The following SLC22A12 variants were observed in gnomAD, a reference collection of about 807,000 sequenced individuals.
SLC22A12 encodes the protein solute carrier family 22 member 12, also known as organic anion transporter 4-like protein.
SLC22A12 carries 56 observed loss-of-function variants against 52.7 expected under a neutral mutation model. The ratio of observed to expected loss-of-function variants is 1.06; its 90% CI spans 0.86 to 1.33. The LOEUF is 1.33. Ranked by LOEUF, SLC22A12 falls within the 40% of genes most tolerant of loss-of-function variation. The pLI is 0.00. For missense variants in SLC22A12, 683 were observed against 741.5 expected, an observed-to-expected ratio of 0.92 and a Z score of 0.92; for synonymous variants, 337 against 324.6, an observed-to-expected ratio of 1.04 and a Z score of -0.41.
At chr11:64,599,019 C>G (rs1462602758) in intron 6 of SLC22A12, 96 bp downstream of exon 6, 1 of 1,506,032 alleles carries the variant, frequency 6.6e-7, no homozygotes, top group East Asian at 2.4e-5. Context: ...TCCGCTTGGT[C>G]CCACTGGCCT....
chr11:64,598,962 C>A, intron 6 of SLC22A12, 39 bp downstream of exon 6: 1 of 1,607,496 alleles, frequency 6.2e-7, no homozygotes, highest in Non-Finnish European at 8.5e-7. Flanking sequence ...CACAGGGGAA[C>A]CTGGAATCGG....
intron 4 of SLC22A12, among the ~76,000 whole-genome samples, chr11:64,595,929 TG>T (rs2039177869): frequency 2.4e-4 from 3 of 12,546 alleles, no homozygotes; most frequent in Non-Finnish European, 6.6e-4. Context: ...AAAAGATGGA[TG>T]GATGGATGGA....
At chr11:64,601,279 G>A (rs1407688854) in intron 9 of SLC22A12, among the ~76,000 whole-genome samples, 1 of 152,086 alleles carries the variant, frequency 6.6e-6, no homozygotes, top group African/African-American at 2.4e-5. Context: ...GGGGGCCCTC[G>A]CAGGCCCCAG....
intron 1 of SLC22A12, among the ~76,000 whole-genome samples, 199 bp from the exon 2 acceptor site, chr11:64,592,580 G>A (rs879713750): frequency 3.3e-5 from 5 of 152,156 alleles, no homozygotes; most frequent in Non-Finnish European, 7.4e-5. Flanking sequence ...CAGGCAGAGG[G>A]TGGCAGGATA....
intron 4 of SLC22A12, among the ~76,000 whole-genome samples, chr11:64,594,997 G>A (rs2039068302): frequency 7.2e-6 from 1 of 138,388 alleles, no homozygotes; most frequent in African/African-American, 2.7e-5. Context: ...GTGGATGGAT[G>A]GATGGATGGA....
At chr11:64,596,279 GATGGATGGATGGCTGA>G in intron 4 of SLC22A12, among the ~76,000 whole-genome samples, 1 of 148,168 alleles carries the variant, frequency 6.7e-6, no homozygotes, top group Non-Finnish European at 1.5e-5. Context: ...TGGATGGATG[GATGGATGGATGGCTGA>G]ATGGATGGTT....
chr11:64,598,855 T>A lies in SLC22A12; in HGVS notation c.1002T>A (p.Pro334=). 1 of 1,612,828 alleles carries A rather than the reference T, an allele frequency of 6.2e-7. No homozygotes were observed. The highest frequency in any genetic ancestry group is 8.5e-7 in the Non-Finnish European group (1 of 1,179,958). The change falls in exon 6 of 10, where the codon CCT becomes CCA. Residue 334 remains proline (P), a synonymous_variant. Transcript: ENST00000377574. ...MREELSMGQP[P]ASLGTLLRMP... ...AGGAGCTGAGCATGGGCCAGCCTCC[T>A]GCCAGCCTGGGCACCCTGCTCCGCA...
Position 64,600,439 on chromosome 11 carries a change from C to A in SLC22A12, c.1358C>A (p.Thr453Asn), listed in dbSNP as rs753490462. The A allele has an allele frequency of 6.2e-7, 1 of 1,607,872 alleles. No individual in the cohort carries two copies. The highest frequency in any genetic ancestry group is 8.5e-7 in the Non-Finnish European group (1 of 1,179,350). Reference sequence around the variant, plus strand: ...GTGGGGGCTGCCTTCACCTGCATCACCATCTACAGCAGCGAGCTCTTCCCC... The same window carrying A: ...GTGGGGGCTGCCTTCACCTGCATCAACATCTACAGCAGCGAGCTCTTCCCC... Reference protein sequence around the residue: ...GGVGAAFTCITIYSSELFPTV... With the variant: ...GGVGAAFTCINIYSSELFPTV... Residue 453 changes from threonine to asparagine, a missense_variant, in exon 8 of 10, where the codon ACC becomes AAC. Thr to Asn is a moderately conservative substitution (Grantham distance 65). Transcript: ENST00000377574.
chr11:64,601,071 T>C (rs1286808604), intron 9 of SLC22A12, 133 bp downstream of exon 9: 2 of 1,193,992 alleles, frequency 1.7e-6, no homozygotes, highest in Non-Finnish European at 2.4e-6. Context: ...TGGCCCAGAG[T>C]CACACAGTAC....
chr11:64,595,011 A>T (rs912927721), intron 4 of SLC22A12, among the ~76,000 whole-genome samples: 5 of 130,432 alleles, frequency 3.8e-5, no homozygotes, highest in Admixed American at 1.5e-4. Context: ...GGATGGATGG[A>T]TGGATGGATG....
intron 4 of SLC22A12, among the ~76,000 whole-genome samples, chr11:64,595,155 G>A (rs1319424952): frequency 1.4e-5 from 2 of 143,044 alleles, no homozygotes; most frequent in African/African-American, 5.2e-5. Flanking sequence ...ATGGTTGAAT[G>A]GATGGTTGGA....
intron 7 of SLC22A12, 40 bp downstream of exon 7, chr11:64,599,930 T>A (rs745540824): frequency 1.3e-6 from 2 of 1,590,538 alleles, no homozygotes; most frequent in African/African-American, 2.7e-5. Flanking sequence ...TTCCCTACCT[T>A]GGGGGGGTCT....
At position 64,595,376 on chromosome 11, in the gene SLC22A12, T is replaced by C. The variant is rs146312310; in HGVS notation, c.830+1573T>C. 6.1e-3 allele frequency among the ~76,000 whole-genome samples: 297 copies of C among 48,398 alleles called. 3 individuals carry two copies. The highest frequency in any genetic ancestry group is 0.015 in the Non-Finnish European group (194 of 13,218). 31.8% of individuals were successfully genotyped at this position (48,398 alleles called of 152,430 possible). On this transcript the variant is annotated intron_variant, in intron 4 of 9. Transcript: ENST00000377574. ...ATGGATGGATGGATGGATGGATGGA[T>C]GGATGGATGGATGGATGGACGGACG... is the stretch of plus-strand genomic sequence containing the variant.
At position 64,600,716 on chromosome 11, in the gene SLC22A12, G is replaced by A; in HGVS notation, c.1395-19G>A. On this transcript the variant is annotated intron_variant, in intron 8 of 9. Transcript: ENST00000377574. Reference sequence around the variant, plus strand: ...TGGGCACACAGACCAGGCGCTTATAGGTGCATCTGCATTGGCAGGATGACG... The same window carrying A: ...TGGGCACACAGACCAGGCGCTTATAAGTGCATCTGCATTGGCAGGATGACG... 6.2e-7 allele frequency: 1 copy of A among 1,603,612 alleles called. No homozygotes were observed. Among genetic ancestry groups the A allele is most frequent in the African/African-American group, 1.3e-5 (1 of 75,048 alleles).
At chr11:64,599,052 T>C in intron 6 of SLC22A12, 129 bp downstream of exon 6, 1 of 1,339,884 alleles carries the variant, frequency 7.5e-7, no homozygotes, top group Non-Finnish European at 1.0e-6. Context: ...CCTTCCCCTC[T>C]GTCAGTCACT....
chr11:64,598,532 G>T lies in SLC22A12; in HGVS notation c.847G>T (p.Ala283Ser). 1 of 1,587,858 alleles carries T rather than the reference G, an allele frequency of 6.3e-7. No homozygotes were observed. The highest frequency in any genetic ancestry group is 1.2e-5 in the South Asian group (1 of 86,918). ...FLYSWWLAES[A>S]RWLLTTGRLD... ...CCACTTAAGGTGGCTGGCAGAGTCG[G>T]CACGATGGCTCCTCACCACAGGCAG... is the stretch of plus-strand genomic sequence containing the variant. The change falls in exon 5 of 10, where the codon GCA becomes TCA. Residue 283 changes from alanine (A) to serine (S), a missense_variant. Coordinates refer to ENST00000377574, the MANE Select transcript of SLC22A12 (RefSeq NM_144585.4).
rs1202092735 is a variant in SLC22A12, at chr11:64,591,608, G to A, written c.52G>A (p.Val18Ile). The A allele has an allele frequency of 6.2e-7, 1 of 1,613,188 alleles. No individual in the cohort carries two copies. The highest frequency in any genetic ancestry group is 1.3e-5 in the African/African-American group (1 of 75,056). Residue 18 changes from valine to isoleucine, a missense_variant, in exon 1 of 10, where the codon GTT (valine) becomes ATT (isoleucine). By Grantham distance (29) the Val-to-Ile change is conservative. Transcript: ENST00000377574. ...DLVGGLGRFQ[V>I]LQTMALMVSI... ...CGTGGGTGGCCTGGGCAGGTTCCAG[G>A]TTCTCCAGACGATGGCTCTGATGGT...
At chr11:64,595,915 T>C (rs1288719850) in intron 4 of SLC22A12, among the ~76,000 whole-genome samples, 2 of 106,054 alleles carry the variant, frequency 1.9e-5, no homozygotes, top group Non-Finnish European at 3.6e-5. Context: ...GGATAGATGG[T>C]TGGAAAAGAT....
chr11:64,595,332 T>C (rs201629849), intron 4 of SLC22A12, among the ~76,000 whole-genome samples: 2 of 93,826 alleles, frequency 2.1e-5, no homozygotes, highest in Non-Finnish European at 4.4e-5. Flanking sequence ...GATGGATGGA[T>C]GGTTGAATGG....
Sources: allele counts gnomAD v4.1 joint callset (sites outside exome capture counted in the v4.1 genomes callset), GRCh38; gene constraint gnomAD v4.1.1; transcripts MANE v1.5; gene names NCBI Gene and HGNC (gene_info 2026-07-23, HGNC 2026-07-21).